Variants in PARP15 observed in about 807,000 individuals in gnomAD.
PARP15 encodes the protein poly(ADP-ribose) polymerase family member 15, also known as protein mono-ADP-ribosyltransferase PARP15.
A neutral mutation model predicts 62.1 loss-of-function variants in PARP15; 50 were observed. The ratio of observed to expected loss-of-function variants is 0.81; its 90% CI spans 0.64 to 1.02. The LOEUF is 1.02. Ranked by LOEUF, PARP15 falls within the 50% of genes least tolerant of loss-of-function variation. The pLI is 0.00. For missense variants in PARP15, 820 were observed against 826.5 expected, an observed-to-expected ratio of 0.99 and a Z score of 0.10; for synonymous variants, 309 against 293.1, an observed-to-expected ratio of 1.05 and a Z score of -0.55.
Position 122,621,463 on chromosome 3 carries a change from T to G in PARP15, c.1083T>G (p.Asp361Glu), listed in dbSNP as rs147746757. The G allele has an allele frequency of 4.1e-5, 66 of 1,611,956 alleles. No homozygotes were observed. The African/African-American group carries it at 7.7e-4, about 19-fold the overall frequency. Residue 361 changes from aspartate (D) to glutamate (E), a missense_variant, in exon 8 of 12, where the codon GAT becomes GAG. Around this residue, in one of 3 missense-constraint regions of PARP15, gnomAD observed 731 missense variants for 727.7 expected, o/e 1.00. Transcript: ENST00000464300. The part of the protein sequence containing the change: ...CAVLAAQPHR[D>E]FIITPGGCLK... ...TTTCAGCTGCACAGCCTCACAGAGATTTTATAATTACACCAGGTGGATGCT... is the reference window on the plus strand; with the variant it reads ...TTTCAGCTGCACAGCCTCACAGAGAGTTTATAATTACACCAGGTGGATGCT...
chr3:122,589,570 C>T (rs1347105228), intron 1 of PARP15, among the ~76,000 whole-genome samples: 1 of 152,140 alleles, frequency 6.6e-6, no homozygotes, highest in African/African-American at 2.4e-5. Flanking sequence ...TTTAGTCATT[C>T]TAGTGGGGTG....
chr3:122,579,545 C>T (rs1363950415), intron 1 of PARP15, among the ~76,000 whole-genome samples: 1 of 152,156 alleles, frequency 6.6e-6, no homozygotes, highest in Non-Finnish European at 1.5e-5. Flanking sequence ...CCTGTAGTTC[C>T]AGAACGTCAT....
intron 1 of PARP15, among the ~76,000 whole-genome samples, chr3:122,581,474 T>C (rs1471350576): frequency 6.6e-6 from 1 of 152,234 alleles, no homozygotes; most frequent in Non-Finnish European, 1.5e-5. Context: ...ACCATGCTTT[T>C]GATTTTTATT....
chr3:122,614,625 C>T lies in PARP15; in HGVS notation c.772-1154C>T, dbSNP rs1396530611. ...GGGAAATTATTATTAGCAAACTGTT[C>T]GTGATATCTGTGTCCTTGTTGAGTT... On this transcript the variant is annotated intron_variant, in intron 4 of 11. Coordinates refer to ENST00000464300, the MANE Select transcript of PARP15 (RefSeq NM_001113523.3). Among the ~76,000 whole-genome samples the T allele has an allele frequency of 2.0e-5, 3 of 152,090 alleles. No individual in the cohort carries two copies. The South Asian group carries it at 6.2e-4, about 31-fold the overall frequency.
Position 122,613,052 on chromosome 3 carries a change from T to C in PARP15, c.555T>C (p.Asn185=). ...GAETSWQIMA[N]IIKKCLTTVE... is the part of the protein sequence containing the mutation. The stretch of plus-strand genomic sequence containing the variant: ...TTTGCACATTTCAGATCATGGCAAA[T>C]ATAATCAAGAAATGTTTGACAACTG... The change falls in exon 4 of 12, where the codon AAT becomes AAC. Residue 185 remains asparagine (N), a synonymous_variant. Coordinates refer to ENST00000464300, the MANE Select transcript of PARP15 (RefSeq NM_001113523.3). 6.4e-7 allele frequency: 1 copy of C among 1,551,290 alleles called. No homozygotes were observed. Among genetic ancestry groups the C allele is most frequent in the Non-Finnish European group, 8.7e-7 (1 of 1,146,366 alleles).
At chr3:122,615,887 A>G (rs1935933621) in intron 5 of PARP15, 30 bp downstream of exon 5, 1 of 1,584,610 alleles carries the variant, frequency 6.3e-7, no homozygotes, top group Admixed American at 1.7e-5. Context: ...CTAAGGAAAT[A>G]TTTCCTTTTG....
chr3:122,583,936 T>C (rs1386505112), intron 1 of PARP15, among the ~76,000 whole-genome samples: 1 of 152,206 alleles, frequency 6.6e-6, no homozygotes, highest in African/African-American at 2.4e-5. Flanking sequence ...AGTCTGTCTG[T>C]CTCCTCAACT....
chr3:122,619,706 A>C, intron 6 of PARP15, 75 bp from the exon 7 acceptor site: 1 of 1,251,072 alleles, frequency 8.0e-7, no homozygotes, highest in Non-Finnish European at 1.2e-6. Flanking sequence ...GTTGAGCAGA[A>C]GTCTAATGTA....
At chr3:122,632,756 C>G (rs1236028174) in intron 10 of PARP15, among the ~76,000 whole-genome samples, 1 of 152,230 alleles carries the variant, frequency 6.6e-6, no homozygotes, top group Non-Finnish European at 1.5e-5. Flanking sequence ...ATCTCCGTGT[C>G]TAGGGAATAC....
intron 2 of PARP15, 56 bp downstream of exon 2, chr3:122,606,111 T>C: frequency 3.4e-6 from 5 of 1,491,238 alleles, no homozygotes; most frequent in Non-Finnish European, 4.5e-6. Context: ...ATTTAACTTG[T>C]TCTGTGAGTT....
chr3:122,613,220 A>G lies in PARP15; in HGVS notation c.723A>G (p.Leu241=). The G allele has an allele frequency of 6.4e-7, 1 of 1,551,804 alleles. No homozygotes were observed. The highest frequency in any genetic ancestry group is 1.2e-5 in the South Asian group (1 of 84,056). ...SSSTRPITSP[L]QEVHFLVYTN... ...GCACAAGGCCGATAACTAGCCCTTT[A>G]CAAGAAGTCCACTTTCTGGTATATA... Residue 241 remains leucine, a synonymous_variant, in exon 4 of 12, where the codon TTA becomes TTG. Transcript: ENST00000464300.
intron 10 of PARP15, among the ~76,000 whole-genome samples, chr3:122,634,812 A>G (rs1937256474): frequency 6.6e-6 from 1 of 152,260 alleles, no homozygotes; most frequent in South Asian, 2.1e-4. Flanking sequence ...ATAGACACTA[A>G]TAGATACTTT....
intron 1 of PARP15, among the ~76,000 whole-genome samples, chr3:122,582,761 CCTCT>C (rs1420454522): frequency 8.5e-6 from 1 of 117,310 alleles, no homozygotes; most frequent in South Asian, 3.3e-4. Context: ...CCTGTACCTT[CCTCT>C]CTCTCTTTCG....
intron 2 of PARP15, among the ~76,000 whole-genome samples, chr3:122,608,213 C>CTTTTTT (rs71136576): frequency 0.013 from 1,433 of 113,730 alleles, no homozygotes; most frequent in Non-Finnish European, 0.017. Flanking sequence ...TTTCTCTTTT[C>CTTTTTT]TTTTTTTTTT....
chr3:122,613,139 T>C lies in PARP15; in HGVS notation c.642T>C (p.Phe214=). The change falls in exon 4 of 12, where the codon TTT becomes TTC. Residue 214 remains phenylalanine, a synonymous_variant. Transcript: ENST00000464300. ...TGATTGGAACAGGAAGTTTGCAGTT[T>C]CCCAAAGCTGTTTTTGCTAAACTAA... ...FPMIGTGSLQ[F]PKAVFAKLIL... The C allele has an allele frequency of 6.4e-7, 1 of 1,551,774 alleles. No homozygotes were observed. Among genetic ancestry groups the C allele is most frequent in the Non-Finnish European group, 8.7e-7 (1 of 1,146,970 alleles).
chr3:122,580,887 A>T (rs1172424241), intron 1 of PARP15, among the ~76,000 whole-genome samples: 1 of 152,146 alleles, frequency 6.6e-6, no homozygotes, highest in Non-Finnish European at 1.5e-5. Context: ...GACCATGTAA[A>T]CCATGCTGGT....
chr3:122,636,145 A>G lies in PARP15; in HGVS notation c.*45A>G. 1.9e-6 allele frequency: 3 copies of G among 1,539,374 alleles called. No homozygotes were observed. In the South Asian group the frequency reaches 3.6e-5, roughly 19 times the overall value. On this transcript the variant is annotated 3_prime_UTR_variant, in exon 12 of 12. Coordinates refer to ENST00000464300, the MANE Select transcript of PARP15 (RefSeq NM_001113523.3). ...GAGATGATTTAAGTCATCTGTAAGA[A>G]CAACATGCAATCTTTGTCTTTGCTT...
chr3:122,613,160 A>G lies in PARP15; in HGVS notation c.663A>G (p.Lys221=). 1 of 1,551,766 alleles carries G rather than the reference A, an allele frequency of 6.4e-7. No homozygotes were observed. Among genetic ancestry groups the G allele is most frequent in the Admixed American group, 2.0e-5 (1 of 51,014 alleles). The stretch of plus-strand genomic sequence containing the variant: ...AGTTTCCCAAAGCTGTTTTTGCTAA[A>G]CTAATCCTTTCAGAAGTGTTCGAAT... ...SLQFPKAVFA[K]LILSEVFEYS... is the part of the protein sequence containing the mutation. Residue 221 remains lysine (K), a synonymous_variant, in exon 4 of 12, where the codon AAA becomes AAG. Coordinates refer to ENST00000464300, the MANE Select transcript of PARP15 (RefSeq NM_001113523.3).
At chr3:122,591,764 CAAAAAA>C (rs66536667) in intron 1 of PARP15, among the ~76,000 whole-genome samples, 1 of 103,416 alleles carries the variant, frequency 9.7e-6, no homozygotes, top group Non-Finnish European at 1.8e-5. Context: ...GACTCTGTCT[CAAAAAA>C]AAAAAAAAAA....
Sources: allele counts gnomAD v4.1 joint callset (sites outside exome capture counted in the v4.1 genomes callset), GRCh38; gene constraint gnomAD v4.1.1; regional missense constraint gnomAD v4.1.1; transcripts MANE v1.5; gene names NCBI Gene and HGNC (gene_info 2026-07-23, HGNC 2026-07-21).